The following ORC2 variants were observed in gnomAD, a reference collection of about 807,000 sequenced individuals.
ORC2 encodes the protein origin recognition complex protein 2 homolog.
A neutral mutation model predicts 77.7 loss-of-function variants in ORC2; 37 were observed. The observed-to-expected ratio is 0.48, with a 90% CI of 0.37 to 0.63. The LOEUF (loss-of-function observed/expected upper bound fraction) is 0.63. Ranked by LOEUF, ORC2 falls within the 20% of genes least tolerant of loss-of-function variation. ORC2 has a pLI of 0.00. For synonymous variants in ORC2, 201 were observed against 229.5 expected, an observed-to-expected ratio of 0.88 and a Z score of 1.12; for missense variants, 557 against 661.9, an observed-to-expected ratio of 0.84 and a Z score of 1.74.
chr2:200,913,272 A>G lies in ORC2; in HGVS notation c.1647+23T>C, dbSNP rs768616494. 21 of 1,535,344 alleles carry G rather than the reference A, an allele frequency of 1.4e-5. 1 individual carries two copies. Among genetic ancestry groups the G allele is most frequent in the Admixed American group, 1.8e-5 (1 of 56,234 alleles). On this transcript the variant is annotated intron_variant, in intron 17 of 17. Transcript: ENST00000234296. ...TGATACGGACTATTCCTGGCATACA[A>G]TGCTACAATAGTGGAGTCTTACCTT...
chr2:200,957,833 T>C (rs915208281), intron 3 of ORC2, among the ~76,000 whole-genome samples, 197 bp downstream of exon 3: 1 of 152,170 alleles, frequency 6.6e-6, no homozygotes, highest in Non-Finnish European at 1.5e-5. Context: ...TTTTGTTTTA[T>C]ATTAGGCTTT....
At chr2:200,941,366 G>T in intron 6 of ORC2, 87 bp from the exon 7 acceptor site, 4 of 1,211,034 alleles carry the variant, frequency 3.3e-6, no homozygotes, top group Non-Finnish European at 4.8e-6. Flanking sequence ...AAGTTTGCCA[G>T]GCATGGTGGC....
At chr2:200,962,000 A>G (rs949119177) in intron 1 of ORC2, among the ~76,000 whole-genome samples, 1 of 152,274 alleles carries the variant, frequency 6.6e-6, no homozygotes, top group Admixed American at 6.5e-5. Context: ...GGTATTCTAC[A>G]CAAGAATTGC....
intron 10 of ORC2, among the ~76,000 whole-genome samples, chr2:200,933,203 C>T (rs185483362): frequency 3.1e-4 from 47 of 152,110 alleles, no homozygotes; most frequent in African/African-American, 1.0e-3. Flanking sequence ...GATGTAAAAC[C>T]CCAGCAAGTA....
chr2:200,939,912 C>A (rs1376378456), intron 7 of ORC2, among the ~76,000 whole-genome samples: 2 of 152,052 alleles, frequency 1.3e-5, no homozygotes, highest in African/African-American at 4.8e-5. Context: ...ACACACAAGA[C>A]ATAAGAAAAA....
intron 5 of ORC2, among the ~76,000 whole-genome samples, chr2:200,943,377 C>CA (rs1553498346): frequency 2.0e-5 from 3 of 150,310 alleles, no homozygotes; most frequent in South Asian, 2.1e-4. Flanking sequence ...CTTTCTCTCG[C>CA]TTTTTTTTTC....
intron 11 of ORC2, among the ~76,000 whole-genome samples, chr2:200,929,454 T>C (rs990267587): frequency 3.3e-5 from 5 of 151,922 alleles, no homozygotes; most frequent in East Asian, 1.9e-4. Flanking sequence ...CCAGTAAGAG[T>C]TGGAGACTGA....
At chr2:200,918,498 T>TC (rs1283011296) in intron 15 of ORC2, among the ~76,000 whole-genome samples, 1 of 151,770 alleles carries the variant, frequency 6.6e-6, no homozygotes, top group African/African-American at 2.4e-5. Context: ...TCTTTCTTTT[T>TC]TTTTTTTTGA....
At chr2:200,960,457 C>T (rs758477813) in intron 1 of ORC2, among the ~76,000 whole-genome samples, 2 of 151,996 alleles carry the variant, frequency 1.3e-5, no homozygotes, top group Non-Finnish European at 2.9e-5. Flanking sequence ...ATACTGTTTC[C>T]TATTATGGGG....
At chr2:200,941,413 A>G in intron 6 of ORC2, 134 bp from the exon 7 acceptor site, 1 of 636,656 alleles carries the variant, frequency 1.6e-6, no homozygotes, top group South Asian at 2.4e-5. Context: ...GAGGCAAGGC[A>G]GGAAGATTGC....
chr2:200,950,935 CA>C (rs1273895758), intron 4 of ORC2, among the ~76,000 whole-genome samples: 2 of 152,172 alleles, frequency 1.3e-5, no homozygotes, highest in African/African-American at 4.8e-5. Context: ...TGACACTGAA[CA>C]TTTTTTTACA....
At chr2:200,947,528 G>A (rs68133847) in intron 5 of ORC2, among the ~76,000 whole-genome samples, 48,017 of 152,010 alleles carry the variant, frequency 0.32, 10,027 homozygotes, top group African/African-American at 0.59. Context: ...ATAATTATAC[G>A]TTATAAGCCC....
chr2:200,927,333 C>T (rs982709429), intron 11 of ORC2, among the ~76,000 whole-genome samples: 1 of 151,882 alleles, frequency 6.6e-6, no homozygotes, highest in African/African-American at 2.4e-5. Flanking sequence ...ATCCACCCAC[C>T]TTGGCCCCCA....
intron 4 of ORC2, among the ~76,000 whole-genome samples, chr2:200,951,558 A>G (rs149810096): frequency 6.6e-6 from 1 of 152,288 alleles, no homozygotes; most frequent in Admixed American, 6.5e-5. Context: ...TGGCTATTCT[A>G]ATAGGTGTAT....
At chr2:200,959,735 C>T (rs2041535088) in intron 1 of ORC2, among the ~76,000 whole-genome samples, 1 of 152,262 alleles carries the variant, frequency 6.6e-6, no homozygotes, top group Admixed American at 6.5e-5. Context: ...ATTTAATCTG[C>T]ACAACTCTAT....
chr2:200,929,898 G>C (rs965152766), intron 11 of ORC2, among the ~76,000 whole-genome samples: 1 of 152,162 alleles, frequency 6.6e-6, no homozygotes, highest in African/African-American at 2.4e-5. Flanking sequence ...GGGCAGGTGG[G>C]AACAGTGGAT....
intron 11 of ORC2, 51 bp from the exon 12 acceptor site, chr2:200,926,951 C>T (rs1480071041): frequency 3.9e-6 from 6 of 1,544,298 alleles, no homozygotes; most frequent in Non-Finnish European, 4.4e-6. Context: ...CCTCTTATTG[C>T]CAATTTTATT....
intron 5 of ORC2, among the ~76,000 whole-genome samples, chr2:200,946,054 T>G (rs2041244051): frequency 6.6e-6 from 1 of 152,244 alleles, no homozygotes; most frequent in African/African-American, 2.4e-5. Flanking sequence ...TTTCTTACTC[T>G]AGATACATTC....
intron 1 of ORC2, among the ~76,000 whole-genome samples, chr2:200,961,157 T>C (rs2041563723): frequency 6.6e-6 from 1 of 152,022 alleles, no homozygotes; most frequent in Admixed American, 6.6e-5. Flanking sequence ...TGCTTGGTTT[T>C]TTTGTTGTTT....
Sources: gnomAD v4.1 joint callset for allele counts (sites outside exome capture counted in the v4.1 genomes callset) on GRCh38, gnomAD v4.1.1 for gene constraint, MANE v1.5 for transcripts, NCBI Gene and HGNC (gene_info 2026-07-23, HGNC 2026-07-21) for gene names.